LINGO2: variants seen among roughly 807,000 people sequenced by gnomAD.
LINGO2 encodes leucine-rich repeat and immunoglobulin-like domain-containing nogo receptor-interacting protein 2.
Under a neutral mutation model 30.6 loss-of-function variants are expected in LINGO2, and 14 were observed. The ratio of observed to expected loss-of-function variants is 0.46; its 90% CI spans 0.30 to 0.72. The LOEUF is 0.72. LINGO2 is among the 30% of genes least tolerant of loss of function. The probability of loss-of-function intolerance (pLI) is 0.07; values close to 1 mark genes in which losing one functional copy is unlikely to be tolerated. For synonymous variants in LINGO2, 317 were observed against 288.5 expected (o/e 1.10, Z -1.00); for missense variants, 729 against 751.7 (o/e 0.97, Z 0.35).
In LINGO2 at chr9:28,186,028, G is replaced by A. The variant is rs77544477; in HGVS notation, c.-87+109180C>T. On this transcript the variant is annotated intron_variant, in intron 4 of 5. Coordinates refer to ENST00000379992, the Ensembl canonical transcript of LINGO2. The stretch of plus-strand genomic sequence containing the variant: ...TTATGAGAGACGCTCAATCATTTGG[G>A]ACATGTCCTCAGCCAACCGTCTTCT... Among the ~76,000 whole-genome samples, 632 of 152,194 alleles carry A rather than the reference G, an allele frequency of 4.2e-3. 7 individuals carry two copies. Among genetic ancestry groups the A allele is most frequent in the African/African-American group, 0.015 (607 of 41,544 alleles).
chr9:28,055,116 A>G (rs1176898325), intron 4 of LINGO2, among the ~76,000 whole-genome samples: 2 of 152,184 alleles, frequency 1.3e-5, no homozygotes, highest in East Asian at 3.8e-4. Context: ...TACTTACAGA[A>G]AGCATTTCAA....
the LINGO2 span, among the ~76,000 whole-genome samples, chr9:28,885,428 CAT>C: frequency 0.042 from 6,074 of 146,098 alleles, 200 homozygotes; most frequent in Admixed American, 0.086. Context: ...TATACACACA[CAT>C]ATACATATAT....
the LINGO2 span, among the ~76,000 whole-genome samples, chr9:28,812,392 C>G: frequency 6.6e-6 from 1 of 152,104 alleles, no homozygotes; most frequent in East Asian, 1.9e-4. Flanking sequence ...TTAAAAATCT[C>G]TCTTTCATGA....
chr9:28,028,479 A>T (rs1189245789), intron 4 of LINGO2, among the ~76,000 whole-genome samples: 85 of 152,264 alleles, frequency 5.6e-4, no homozygotes, highest in African/African-American at 2.0e-3. Flanking sequence ...TCATATACAA[A>T]TGTATATACA....
At chr9:29,087,594 C>T in the LINGO2 span, among the ~76,000 whole-genome samples, 1 of 152,166 alleles carries the variant, frequency 6.6e-6, no homozygotes, top group Non-Finnish European at 1.5e-5. Context: ...CTGGGACTCT[C>T]TCGCTCATAG....
intron 4 of LINGO2, among the ~76,000 whole-genome samples, chr9:28,052,527 C>G (rs1824724529): frequency 6.6e-6 from 1 of 151,980 alleles, no homozygotes; most frequent in Non-Finnish European, 1.5e-5. Context: ...CACCATCTGC[C>G]AGAGATGACA....
chr9:28,466,617 C>A (rs2135147770), intron 2 of LINGO2, among the ~76,000 whole-genome samples: 1 of 152,118 alleles, frequency 6.6e-6, no homozygotes, highest in South Asian at 2.1e-4. Context: ...GTTTGTAATA[C>A]AAAGGATAGA....
In LINGO2 at chr9:28,189,614, AGGGAGGG is replaced by A. The variant is rs1564029292; in HGVS notation, c.-87+105587_-87+105593del. Among the ~76,000 whole-genome samples, 8 of 10,096 alleles carry A rather than the reference AGGGAGGG, an allele frequency of 7.9e-4. 1 individual carries two copies. The highest frequency in any genetic ancestry group is 3.9e-3 in the East Asian group (1 of 258). The allele number at this position is 10,096 out of a possible 152,430, so 6.6% of individuals were successfully genotyped here. A position where few individuals can be genotyped will look rare whatever the true frequency, so the allele number is the denominator to read the frequency against. Reference sequence around the variant, plus strand: ...AAGGAAGGAAGGGAGGAAGGAAGGGAGGGAGGGAGGAAGGGAGGGAGGAAGGAAGGGA... The same window carrying A: ...AAGGAAGGAAGGGAGGAAGGAAGGGAAGGAAGGGAGGGAGGAAGGAAGGGA... On this transcript the variant is annotated intron_variant, in intron 4 of 5. Transcript: ENST00000379992.
At chr9:28,014,235 GAAAAT>G (rs1054717842) in intron 4 of LINGO2, among the ~76,000 whole-genome samples, 6 of 152,084 alleles carry the variant, frequency 3.9e-5, no homozygotes, top group African/African-American at 1.2e-4. Flanking sequence ...TGAGCTGGAA[GAAAAT>G]AAAGAACACT....
the LINGO2 span, among the ~76,000 whole-genome samples, chr9:28,941,379 T>C: frequency 3.3e-5 from 5 of 152,302 alleles, no homozygotes; most frequent in Admixed American, 2.0e-4. Flanking sequence ...CCTTTTTCAA[T>C]GATCCTGTGA....
At chr9:28,760,023 C>T in the LINGO2 span, among the ~76,000 whole-genome samples, 2 of 151,982 alleles carry the variant, frequency 1.3e-5, no homozygotes, top group African/African-American at 4.8e-5. Flanking sequence ...AGACTTCCCA[C>T]ACTCAAGAAA....
At chr9:28,623,369 T>C (rs1334296115) in intron 1 of LINGO2, among the ~76,000 whole-genome samples, 1 of 152,134 alleles carries the variant, frequency 6.6e-6, no homozygotes, top group African/African-American at 2.4e-5. Flanking sequence ...GATTTTTGTA[T>C]ATGGAGAGAG....
intron 4 of LINGO2, among the ~76,000 whole-genome samples, chr9:28,242,745 G>A (rs1821845494): frequency 6.6e-6 from 1 of 152,126 alleles, no homozygotes; most frequent in South Asian, 2.1e-4. Flanking sequence ...CACCTACAAA[G>A]GGAAGCCCAT....
chr9:29,004,335 C>G, the LINGO2 span, among the ~76,000 whole-genome samples: 1 of 151,836 alleles, frequency 6.6e-6, no homozygotes, highest in African/African-American at 2.4e-5. Flanking sequence ...TATCAAAATG[C>G]AGACTTCAAT....
At chr9:29,166,553 T>C in the LINGO2 span, among the ~76,000 whole-genome samples, 1 of 152,136 alleles carries the variant, frequency 6.6e-6, no homozygotes, top group Admixed American at 6.5e-5. Context: ...AAGATAACTA[T>C]CCAAGGCACA....
chr9:28,759,827 G>A, the LINGO2 span, among the ~76,000 whole-genome samples: 1 of 152,036 alleles, frequency 6.6e-6, no homozygotes, highest in South Asian at 2.1e-4. Flanking sequence ...GAGCAATATA[G>A]CTTCTAATGA....
rs1828571844 is a variant in LINGO2 at position 28,661,245 on chromosome 9, T to G, written c.-365+8955A>C. ...AATCCTGCTATCCATTCTGTGAATT[T>G]GTCTAAGCTACCCCATTGTATGATG... is the stretch of plus-strand genomic sequence containing the variant. On this transcript the variant is annotated intron_variant, in intron 1 of 5. Coordinates refer to ENST00000379992, the Ensembl canonical transcript of LINGO2. 1.3e-5 allele frequency among the ~76,000 whole-genome samples: 2 copies of G among 152,320 alleles called. 1 individual carries two copies. The highest frequency in any genetic ancestry group is 4.1e-4 in the South Asian group (2 of 4,832).
At position 28,496,811 on chromosome 9, in the gene LINGO2, C is replaced by T. The variant is rs574695595; in HGVS notation, c.-364-20786G>A. On this transcript the variant is annotated intron_variant, in intron 1 of 5. Transcript: ENST00000379992. The stretch of plus-strand genomic sequence containing the variant: ...GTGGCTGGTACCAGTTGTTCCTTTC[C>T]ATGTTTAGTGCTTCCTTCAGGAGCT... Among the ~76,000 whole-genome samples the T allele has an allele frequency of 6.2e-4, 95 of 152,178 alleles. 1 individual carries two copies. In the East Asian group the frequency reaches 0.015, roughly 25 times the overall value.
intron 1 of LINGO2, among the ~76,000 whole-genome samples, chr9:28,667,481 C>A (rs528132231): frequency 3.9e-5 from 6 of 152,134 alleles, no homozygotes; most frequent in Admixed American, 2.0e-4. Flanking sequence ...CGGTGGCTCA[C>A]GCTTGTAATC....
Sources: gnomAD v4.1 joint callset for allele counts (sites outside exome capture counted in the v4.1 genomes callset) on GRCh38, gnomAD v4.1.1 for gene constraint, MANE v1.5 for transcripts, NCBI Gene and HGNC (gene_info 2026-07-23, HGNC 2026-07-21) for gene names.